PFKFB1: variants seen among roughly 807,000 people sequenced by gnomAD.
PFKFB1 encodes the protein 6-phosphofructo-2-kinase/fructose-2,6-bisphosphatase 1.
In PFKFB1, 34 loss-of-function variants were observed where a neutral mutation model predicts 46.4. That is an observed-to-expected ratio of 0.73 (90% CI 0.56 to 0.98). The LOEUF (loss-of-function observed/expected upper bound fraction) is 0.98, where lower values mean the gene tolerates loss of function less well. Ranked by LOEUF, PFKFB1 falls within the 50% of genes least tolerant of loss-of-function variation. PFKFB1 has a pLI of 0.00. For synonymous variants in PFKFB1, 119 were observed against 133.8 expected (o/e 0.89, Z 0.76); for missense variants, 393 against 376.3 (o/e 1.04, Z -0.37).
intron 1 of PFKFB1, among the ~76,000 whole-genome samples, chrX:54,975,376 A>G (rs887717046): frequency 2.7e-5 from 3 of 111,137 alleles, no homozygotes; most frequent in Non-Finnish European, 3.8e-5. Context: ...GAAGTCGCTT[A>G]GGAATGAAAA....
chrX:54,992,145 T>C (rs973357939), intron 1 of PFKFB1, among the ~76,000 whole-genome samples: 4 of 111,603 alleles, frequency 3.6e-5, no homozygotes, highest in African/African-American at 1.3e-4. Context: ...TTCTTGGCTA[T>C]GGTGAGTGGT....
chrX:54,952,169 G>T, intron 7 of PFKFB1, 57 bp from the exon 8 acceptor site: 1 of 950,265 alleles, frequency 1.1e-6, no homozygotes, highest in Non-Finnish European at 1.5e-6. Flanking sequence ...TGGTAGGGTT[G>T]ACCCCGAGAG....
At chrX:54,934,155 A>G (rs1490179317) in intron 12 of PFKFB1, among the ~76,000 whole-genome samples, 3 of 111,918 alleles carry the variant, frequency 2.7e-5, no homozygotes, top group Non-Finnish European at 5.6e-5. Flanking sequence ...GTAAATGGGG[A>G]TGGAGATGAG....
rs1032154123 is a variant in PFKFB1, at chrX:54,971,939, T to C, written c.98-8557A>G. Among the ~76,000 whole-genome samples the C allele has an allele frequency of 4.5e-5, 5 of 111,783 alleles. No individual in the cohort carries two copies. The East Asian group carries it at 1.4e-3, about 32-fold the overall frequency. ...TAAATTACCTTGGGCAGTATGGCCA[T>C]CTTCATGATATTGATTCTTCCTACC... On this transcript the variant is annotated intron_variant, in intron 1 of 13. Transcript: ENST00000375006.
At chrX:54,957,186 G>A (rs1351642987) in intron 6 of PFKFB1, among the ~76,000 whole-genome samples, 1 of 111,498 alleles carries the variant, frequency 9.0e-6, no homozygotes, top group Admixed American at 9.6e-5. Context: ...ATAGTTCTCT[G>A]GAGATGCCAT....
intron 10 of PFKFB1, among the ~76,000 whole-genome samples, chrX:54,945,043 T>C (rs1007292999): frequency 6.2e-5 from 7 of 112,063 alleles, no homozygotes; most frequent in Non-Finnish European, 1.1e-4. Flanking sequence ...TTATTAGCCA[T>C]TGTCCCTTGG....
At chrX:54,941,493 T>A (rs1210378377) in intron 10 of PFKFB1, among the ~76,000 whole-genome samples, 7 of 111,655 alleles carry the variant, frequency 6.3e-5, no homozygotes, top group African/African-American at 2.3e-4. Flanking sequence ...AATCTACTCA[T>A]CTGACAAAGG....
At chrX:54,995,896 A>G (rs140780556), upstream of PFKFB1, among the ~76,000 whole-genome samples, 397 of 112,394 alleles carry the variant, frequency 3.5e-3, 2 homozygotes, top group African/African-American at 0.012. Flanking sequence ...ATACACAAAG[A>G]GCTCCTGCAA....
At chrX:54,951,844 C>A in intron 8 of PFKFB1, 61 bp downstream of exon 8, 1 of 992,902 alleles carries the variant, frequency 1.0e-6, no homozygotes, top group Non-Finnish European at 1.4e-6. Flanking sequence ...GCCACCACTA[C>A]ACCTGCAGCC....
At position 54,951,901 on chromosome X, in the gene PFKFB1, C is replaced by T; in HGVS notation, c.846+4G>A. 6 of 1,189,211 alleles carry T rather than the reference C, an allele frequency of 5.0e-6. No homozygotes were observed. The highest frequency in any genetic ancestry group is 6.8e-6 in the Non-Finnish European group (6 of 883,105). ...CCCATCTGGGTGTGTGTGGCCCACC[C>T]TACCTGCTTGCCGCGAACTGAGAGG... On this transcript the variant is annotated splice_donor_region_variant and intron_variant, in intron 8 of 13. Coordinates refer to ENST00000375006, the MANE Select transcript of PFKFB1 (RefSeq NM_002625.4).
At chrX:54,939,342 C>A (rs1933528987) in intron 10 of PFKFB1, among the ~76,000 whole-genome samples, 2 of 111,495 alleles carry the variant, frequency 1.8e-5, no homozygotes, top group African/African-American at 6.5e-5. Context: ...ACTAGAGAAG[C>A]AAGAGCAAAC....
chrX:54,964,327 G>A (rs1412942435), intron 1 of PFKFB1, among the ~76,000 whole-genome samples: 1 of 110,312 alleles, frequency 9.1e-6, no homozygotes, highest in African/African-American at 3.3e-5. Context: ...CCACTACCAG[G>A]CTAAAAAGCA....
intron 1 of PFKFB1, among the ~76,000 whole-genome samples, chrX:54,972,933 C>G (rs868561847): frequency 1.1e-3 from 121 of 111,455 alleles, no homozygotes; most frequent in Middle Eastern, 9.3e-3. Context: ...CTCCTTGTAC[C>G]TCTGGTAGAA....
At chrX:54,977,611 C>T (rs1300266979) in intron 1 of PFKFB1, among the ~76,000 whole-genome samples, 1 of 110,711 alleles carries the variant, frequency 9.0e-6, no homozygotes, top group Non-Finnish European at 1.9e-5. Context: ...AAAATACAGA[C>T]GGGTTAGCAT....
intron 2 of PFKFB1, 48 bp from the exon 3 acceptor site, chrX:54,960,965 C>A: frequency 1.2e-6 from 1 of 814,320 alleles, no homozygotes; most frequent in South Asian, 2.2e-5. Flanking sequence ...TCCCAGTGGC[C>A]AAAAAAATGT....
upstream of PFKFB1, chrX:54,994,806 A>C (rs1266658159): frequency 1.3e-6 from 1 of 750,440 alleles, no homozygotes; most frequent in African/African-American, 2.3e-5. Context: ...TCATCTTTCT[A>C]CTCTCTCCAG....
intron 1 of PFKFB1, among the ~76,000 whole-genome samples, chrX:54,985,063 C>T (rs761683917): frequency 1.0e-4 from 11 of 110,506 alleles, no homozygotes; most frequent in Non-Finnish European, 1.7e-4. Flanking sequence ...ACTCTCCCCC[C>T]AAAACTAACT....
Position 54,933,821 on chromosome X carries a change from C to T in PFKFB1, c.1356G>A (p.Glu452=), listed in dbSNP as rs1483115435. 1.7e-6 allele frequency: 2 copies of T among 1,205,014 alleles called. No individual in the cohort carries two copies. Among genetic ancestry groups the T allele is most frequent in the African/African-American group, 3.5e-5 (2 of 56,922 alleles). Residue 452 remains glutamate, a splice_region_variant and synonymous_variant, in exon 13 of 14, where the codon GAG becomes GAA. Coordinates refer to ENST00000375006, the MANE Select transcript of PFKFB1 (RefSeq NM_002625.4). ...TTGGGCCATGGAGTCCCCCACCTAC[C>T]TCAGGCTTCTCCCGGTGTGTGTTCA... The part of the protein sequence containing the change: ...EAVNTHREKP[E]NVDITREPEE...
At chrX:54,993,873 C>A in intron 1 of PFKFB1, 38 bp downstream of exon 1, 1 of 1,181,266 alleles carries the variant, frequency 8.5e-7, no homozygotes, top group Admixed American at 2.4e-5. Flanking sequence ...CACTCTACCA[C>A]CACCACCTTT....
Sources: allele counts gnomAD v4.1 joint callset (sites outside exome capture counted in the v4.1 genomes callset), GRCh38; gene constraint gnomAD v4.1.1; transcripts MANE v1.5; gene names NCBI Gene and HGNC (gene_info 2026-07-23, HGNC 2026-07-21).